Variants in CPSF4L observed in about 807,000 individuals in gnomAD.
CPSF4L encodes cleavage and polyadenylation specific factor 4 like.
In CPSF4L, 18 loss-of-function variants were observed where a neutral mutation model predicts 24.0. The ratio of observed to expected loss-of-function variants is 0.75; its 90% CI spans 0.52 to 1.11. The LOEUF (loss-of-function observed/expected upper bound fraction) is 1.11, where lower values mean the gene tolerates loss of function less well. Among genes scored for constraint, CPSF4L ranks in the 50% least tolerant of loss-of-function variants. CPSF4L has a pLI of 0.00. For missense variants in CPSF4L, 211 were observed against 221.8 expected, an observed-to-expected ratio of 0.95 and a Z score of 0.31; for synonymous variants, 72 against 77.2, an observed-to-expected ratio of 0.93 and a Z score of 0.35.
Position 73,254,015 on chromosome 17 carries a change from TG to T in CPSF4L, c.318del (p.Ser106ArgfsTer10). 1 of 1,551,410 alleles carries T rather than the reference TG, an allele frequency of 6.4e-7. No individual in the cohort carries two copies. The highest frequency in any genetic ancestry group is 8.7e-7 in the Non-Finnish European group (1 of 1,146,714). On this transcript the variant is annotated frameshift_variant, in exon 4 of 6. Coordinates refer to ENST00000344935, the MANE Select transcript of CPSF4L (RefSeq NM_001129885.1). LOFTEE classifies it high-confidence loss of function. ...ACATGGAGGAAGGAACACTCCTTGT[TG>T]CTGCAGTCACCTGAAAATCCCAGCA... The part of the protein sequence containing the change: ...CYFYSKFGDC[S>X]NKECSFLHVK...
At chr17:73,254,079 G>A (rs1326957034) in intron 3 of CPSF4L, 53 bp from the exon 4 acceptor site, 2 of 1,387,478 alleles carry the variant, frequency 1.4e-6, no homozygotes, top group Non-Finnish European at 2.0e-6. Flanking sequence ...GATCACTTCT[G>A]TGTCCCCAAA....
chr17:73,244,850 A>G, downstream of CPSF4L: 1 of 232,544 alleles, frequency 4.3e-6, no homozygotes, highest in Non-Finnish European at 8.5e-6. Context: ...CATCTCTTGT[A>G]TCAGACACCT....
At chr17:73,254,680 G>C (rs1304602872) in intron 3 of CPSF4L, among the ~76,000 whole-genome samples, 1 of 152,130 alleles carries the variant, frequency 6.6e-6, no homozygotes, top group Non-Finnish European at 1.5e-5. Flanking sequence ...GTTTTACTCT[G>C]TTGCCCAGGC....
chr17:73,251,225 C>A, intron 5 of CPSF4L: 1 of 1,191,314 alleles, frequency 8.4e-7, no homozygotes, highest in South Asian at 2.4e-5. Flanking sequence ...TTCAAGATGC[C>A]TTTAGTTACA....
the CPSF4L span, chr17:73,242,805 A>T: frequency 2.2e-6 from 2 of 914,434 alleles, no homozygotes; most frequent in Non-Finnish European, 3.4e-6. Context: ...CAGTTCCATC[A>T]CTCAGGCTAA....
At chr17:73,262,706 C>T (rs1274016158), upstream of CPSF4L, among the ~76,000 whole-genome samples, 1 of 152,236 alleles carries the variant, frequency 6.6e-6, no homozygotes, top group Non-Finnish European at 1.5e-5. Context: ...TCCCCCTCCC[C>T]CTGCTCTGGC....
chr17:73,244,036 A>G (rs1432530914), downstream of CPSF4L, among the ~76,000 whole-genome samples: 1 of 152,208 alleles, frequency 6.6e-6, no homozygotes, highest in African/African-American at 2.4e-5. Context: ...TATCTCAGTT[A>G]ATCTACTTTG....
rs1197784876 is a variant in CPSF4L at position 73,261,697 on chromosome 17, T to C, written c.103+19A>G. 7.5e-6 allele frequency: 11 copies of C among 1,469,414 alleles called. No individual in the cohort carries two copies. The highest frequency in any genetic ancestry group is 4.2e-5 in the African/African-American group (3 of 70,938). The allele number at this position is 1,469,414 out of a possible 1,614,324, so 91.0% of individuals were successfully genotyped here. A position where few individuals can be genotyped will look rare whatever the true frequency, so the allele number is the denominator to read the frequency against. ...AACAGAGAAGGTAGGGGAGGGAAAGTGGCCCCACCCTCACTCACTGTCCAT... is the reference window on the plus strand; with the variant it reads ...AACAGAGAAGGTAGGGGAGGGAAAGCGGCCCCACCCTCACTCACTGTCCAT... On this transcript the variant is annotated intron_variant, in intron 1 of 5. Transcript: ENST00000344935.
At chr17:73,250,323 A>G (rs2061999842) in intron 5 of CPSF4L, 1 of 1,550,288 alleles carries the variant, frequency 6.5e-7, no homozygotes, top group African/African-American at 1.4e-5. Flanking sequence ...GAAAAAGTGA[A>G]TGGCATGACT....
chr17:73,254,330 GGA>G (rs1359848718), intron 3 of CPSF4L, among the ~76,000 whole-genome samples: 1 of 152,258 alleles, frequency 6.6e-6, no homozygotes, highest in Non-Finnish European at 1.5e-5. Flanking sequence ...GCAGGAACAA[GGA>G]GAGCCGAGAA....
intron 2 of CPSF4L, among the ~76,000 whole-genome samples, chr17:73,258,110 C>A (rs753983246): frequency 6.6e-6 from 1 of 151,678 alleles, no homozygotes; most frequent in Non-Finnish European, 1.5e-5. Context: ...CCTGGGTTCA[C>A]GCCATTCTCC....
At chr17:73,242,844 C>T in the CPSF4L span, 166 of 1,450,870 alleles carry the variant, frequency 1.1e-4, no homozygotes, top group Non-Finnish European at 1.5e-4. Flanking sequence ...CTCGCGGATA[C>T]TGGCCCTAGT....
chr17:73,245,766 GA>G, downstream of CPSF4L: 1 of 953,372 alleles, frequency 1.0e-6, no homozygotes, highest in Non-Finnish European at 1.2e-6. Flanking sequence ...TTTTTAAGCT[GA>G]TTTTTAAAAT....
chr17:73,254,331 G>A (rs1158224473), intron 3 of CPSF4L, among the ~76,000 whole-genome samples: 2 of 152,242 alleles, frequency 1.3e-5, no homozygotes, highest in Non-Finnish European at 2.9e-5. Flanking sequence ...CAGGAACAAG[G>A]AGAGCCGAGA....
downstream of CPSF4L, among the ~76,000 whole-genome samples, chr17:73,244,922 A>G (rs938569887): frequency 1.3e-5 from 2 of 152,194 alleles, no homozygotes; most frequent in Non-Finnish European, 2.9e-5. Context: ...GAGGCCCAAA[A>G]CCAAGAGTCA....
At chr17:73,261,013 A>G in intron 1 of CPSF4L, 30 bp from the exon 2 acceptor site, 2 of 1,540,290 alleles carry the variant, frequency 1.3e-6, no homozygotes, top group Admixed American at 2.0e-5. Context: ...CGGAGAAGGT[A>G]GCTTCCCCAG....
At position 73,253,931 on chromosome 17, in the gene CPSF4L, C is replaced by G; in HGVS notation, c.403G>C (p.Gly135Arg). The stretch of plus-strand genomic sequence containing the variant: ...GGCTCCCTGGCTTCCAAGGCCTCAC[C>G]GTCCTTGCAGAAACCTTGGTCATAC... ...PWYDQGFCKD[G>R]PLCKYRHVPR... Residue 135 changes from glycine (G) to arginine (R), a missense_variant and splice_region_variant, in exon 4 of 6, where the codon GGT (glycine) becomes CGT (arginine). Transcript: ENST00000344935. The G allele has an allele frequency of 5.2e-6, 8 of 1,549,024 alleles. No homozygotes were observed. The highest frequency in any genetic ancestry group is 1.7e-4 in the Middle Eastern group (1 of 5,932).
chr17:73,258,460 C>G (rs1024340500), intron 2 of CPSF4L, among the ~76,000 whole-genome samples: 1 of 152,114 alleles, frequency 6.6e-6, no homozygotes, highest in African/African-American at 2.4e-5. Context: ...TGCAACTACA[C>G]CCGGCTATTT....
downstream of CPSF4L, chr17:73,248,382 A>C (rs1051643204): frequency 7.1e-5 from 70 of 985,728 alleles, no homozygotes; most frequent in Non-Finnish European, 3.3e-5. Context: ...TTACCATTTT[A>C]AACAGCCTTA....
Sources: allele counts gnomAD v4.1 joint callset (sites outside exome capture counted in the v4.1 genomes callset), GRCh38; gene constraint gnomAD v4.1.1; transcripts MANE v1.5; gene names NCBI Gene and HGNC (gene_info 2026-07-23, HGNC 2026-07-21).